MBOAT4: variants seen among roughly 807,000 people sequenced by gnomAD.
The protein encoded by MBOAT4 is membrane-bound ghrelin O-acyltransferase MBOAT4.
MBOAT4 carries 11 observed loss-of-function variants against 13.2 expected under a neutral mutation model. That is an observed-to-expected ratio of 0.84 (90% CI 0.53 to 1.38). The LOEUF is 1.38. MBOAT4 is among the 40% of genes most tolerant of loss of function. The pLI, the probability that MBOAT4 is intolerant of heterozygous loss-of-function variation, is 0.00. For missense variants in MBOAT4, 481 were observed against 527.2 expected (o/e 0.91, Z 0.86); for synonymous variants, 202 against 210.3 (o/e 0.96, Z 0.34).
chr8:30,144,616 A>G lies in MBOAT4; in HGVS notation c.-15T>C. 1 of 1,502,346 alleles carries G rather than the reference A, an allele frequency of 6.7e-7. No individual in the cohort carries two copies. The highest frequency in any genetic ancestry group is 1.2e-5 in the South Asian group (1 of 82,394). 93.1% of individuals were successfully genotyped at this position (1,502,346 alleles called of 1,614,324 possible). On this transcript the variant is annotated 5_prime_UTR_variant, in exon 1 of 3. Transcript: ENST00000320542. ...AGCCACTCCATTAGGAACCAGAACAAAAGAGCCTGTCTTTTCCAGTGTCCT... is the reference window on the plus strand; with the variant it reads ...AGCCACTCCATTAGGAACCAGAACAGAAGAGCCTGTCTTTTCCAGTGTCCT...
chr8:30,138,705 AC>A lies in MBOAT4; in HGVS notation c.170del (p.Gly57ValfsTer35), dbSNP rs1462376215. On this transcript the variant is annotated frameshift_variant, in exon 2 of 3. Transcript: ENST00000320542. LOFTEE classifies it high-confidence loss of function. ...GGGALAVAAM[G>X]SYAVLVFTPA... ...GGGTGAAGACGAGCACGGCGTAGGA[AC>A]CCATGGCAGCCACGGCCAGGGCACC... is the stretch of plus-strand genomic sequence containing the variant. 2.1e-5 allele frequency: 32 copies of A among 1,550,398 alleles called. No homozygotes were observed. In the African/African-American group the frequency reaches 3.8e-4, roughly 19 times the overall value.
Position 30,138,687 on chromosome 8 carries a change from G to A in MBOAT4, c.189C>T (p.Val63=). Residue 63 remains valine (V), a synonymous_variant, in exon 2 of 3, where the codon GTC becomes GTT. Coordinates refer to ENST00000320542, the MANE Select transcript of MBOAT4 (RefSeq NM_001100916.2). The part of the protein sequence containing the change: ...VAAMGSYAVL[V]FTPAVCAVAL... ...CCACAGCGCAGACAGCAGGGGTGAAGACGAGCACGGCGTAGGAACCCATGG... is the reference window on the plus strand; with the variant it reads ...CCACAGCGCAGACAGCAGGGGTGAAAACGAGCACGGCGTAGGAACCCATGG... The A allele has an allele frequency of 1.3e-6, 2 of 1,551,022 alleles. No homozygotes were observed. Among genetic ancestry groups the A allele is most frequent in the Middle Eastern group, 1.8e-4 (1 of 5,422 alleles).
At chr8:30,138,047 G>A (rs544670079) in intron 2 of MBOAT4, 1 of 172,698 alleles carries the variant, frequency 5.8e-6, no homozygotes, top group East Asian at 1.5e-4. Flanking sequence ...AATGCAAGAA[G>A]ACTGTTCTGA....
intron 1 of MBOAT4, among the ~76,000 whole-genome samples, chr8:30,139,792 TAC>T (rs1491470424): frequency 8.5e-4 from 24 of 28,174 alleles, no homozygotes; most frequent in Admixed American, 1.7e-3. Context: ...ATCCCATCTC[TAC>T]AAAAAAAAAA....
intron 2 of MBOAT4, among the ~76,000 whole-genome samples, chr8:30,135,447 A>G (rs1257897649): frequency 6.6e-6 from 1 of 152,140 alleles, no homozygotes; most frequent in African/African-American, 2.4e-5. Flanking sequence ...TTAAATACGA[A>G]CCAGGCCCTG....
Position 30,138,566 on chromosome 8 carries a change from T to A in MBOAT4, c.310A>T (p.Thr104Ser). The A allele has an allele frequency of 6.4e-7, 1 of 1,551,524 alleles. No homozygotes were observed. Among genetic ancestry groups the A allele is most frequent in the Non-Finnish European group, 8.7e-7 (1 of 1,146,966 alleles). ...QTLCHLGLHYTEYYLHEPPSV... is the reference protein window; with the variant it reads ...QTLCHLGLHYSEYYLHEPPSV... ...GGAGGCTCATGCAGATAATACTCAG[T>A]GTAGTGCAGACCTAGGTGACACAAG... is the stretch of plus-strand genomic sequence containing the variant. The change falls in exon 2 of 3, where the codon ACT becomes TCT. Residue 104 changes from threonine (T) to serine (S), a missense_variant. By Grantham distance (58) the Thr-to-Ser change is moderately conservative. Transcript: ENST00000320542.
chr8:30,137,487 C>G, intron 2 of MBOAT4: 1 of 1,551,432 alleles, frequency 6.4e-7, no homozygotes, highest in Non-Finnish European at 8.7e-7. Flanking sequence ...TTTGCCCTCC[C>G]TCTCAGGCAC....
At position 30,133,542 on chromosome 8, in the gene MBOAT4, G is replaced by GA. The variant is rs1803071824; in HGVS notation, c.345-637dup. ...CTTCCATCCTGAAATCTTCCATCCTGAATAGGAGAATTTGCCTGGGAAATT... is the reference window on the plus strand; with the variant it reads ...CTTCCATCCTGAAATCTTCCATCCTGAAATAGGAGAATTTGCCTGGGAAATT... On this transcript the variant is annotated intron_variant, in intron 2 of 2. Coordinates refer to ENST00000320542, the MANE Select transcript of MBOAT4 (RefSeq NM_001100916.2). Among the ~76,000 whole-genome samples the GA allele has an allele frequency of 6.6e-5, 10 of 152,266 alleles. No homozygotes were observed. In the South Asian group the frequency reaches 2.1e-3, roughly 32 times the overall value.
chr8:30,139,961 T>C (rs1027373499), intron 1 of MBOAT4, among the ~76,000 whole-genome samples: 2 of 152,132 alleles, frequency 1.3e-5, no homozygotes, highest in Non-Finnish European at 2.9e-5. Flanking sequence ...ATCTTGTCTC[T>C]AAAAAAACCC....
rs374232147 is a variant in MBOAT4, at chr8:30,137,279, G to A, written c.344+1253C>T. The A allele has an allele frequency of 3.8e-4, 596 of 1,551,174 alleles. 2 individuals are homozygous for A. Among genetic ancestry groups the A allele is most frequent in the Non-Finnish European group, 5.0e-4 (577 of 1,146,658 alleles). On this transcript the variant is annotated intron_variant, in intron 2 of 2. Coordinates refer to ENST00000320542, the MANE Select transcript of MBOAT4 (RefSeq NM_001100916.2). ...TTGATTTCTGTTTTCTAGATGGGGC[G>A]CCTACCCTTCTTCAGCAAGATGGGA...
chr8:30,141,587 GA>G (rs1273550290), intron 1 of MBOAT4, among the ~76,000 whole-genome samples: 1 of 152,172 alleles, frequency 6.6e-6, no homozygotes, highest in African/African-American at 2.4e-5. Flanking sequence ...GCAGTGAGCT[GA>G]GATCGCACTG....
chr8:30,140,579 C>G (rs12678118), intron 1 of MBOAT4, among the ~76,000 whole-genome samples: 134,370 of 152,208 alleles, frequency 0.88, 60,270 homozygotes, highest in Non-Finnish European at 0.96. Context: ...AATCATGCCA[C>G]TTATCTTGCT....
chr8:30,140,024 C>T (rs879282563), intron 1 of MBOAT4, among the ~76,000 whole-genome samples: 2 of 152,070 alleles, frequency 1.3e-5, no homozygotes, highest in African/African-American at 2.4e-5. Context: ...GCACAATCAC[C>T]GCAGATGAAG....
chr8:30,137,259 T>G lies in MBOAT4; in HGVS notation c.344+1273A>C, dbSNP rs1324040663. On this transcript the variant is annotated intron_variant, in intron 2 of 2. Coordinates refer to ENST00000320542, the MANE Select transcript of MBOAT4 (RefSeq NM_001100916.2). ...CTCTAGACTGTAATTAGCTCTTGAT[T>G]TCTGTTTTCTAGATGGGGCGCCTAC... 12 of 1,545,238 alleles carry G rather than the reference T, an allele frequency of 7.8e-6. No homozygotes were observed. In the African/African-American group the frequency reaches 1.6e-4, roughly 21 times the overall value.
At position 30,132,418 on chromosome 8, in the gene MBOAT4, C is replaced by T. The variant is rs1370235536; in HGVS notation, c.833G>A (p.Ser278Asn). Residue 278 changes from serine to asparagine, a missense_variant, in exon 3 of 3, where the codon AGC (serine) becomes AAC (asparagine). Physicochemically the swap from Ser to Asn is conservative, Grantham distance 46. Coordinates refer to ENST00000320542, the MANE Select transcript of MBOAT4 (RefSeq NM_001100916.2). ...GGGGACATATCCCTCCTCTCCAGGGCTCTGACCAAGCTCAGGCCCAAAGCC... is the reference window on the plus strand; with the variant it reads ...GGGGACATATCCCTCCTCTCCAGGGTTCTGACCAAGCTCAGGCCCAAAGCC... Reference protein sequence around the residue: ...AAGFGPELGQSPGEEGYVPDA... With the variant: ...AAGFGPELGQNPGEEGYVPDA... The T allele has an allele frequency of 1.3e-6, 2 of 1,551,734 alleles. No homozygotes were observed. Among genetic ancestry groups the T allele is most frequent in the Admixed American group, 3.9e-5 (2 of 50,990 alleles).
chr8:30,138,495 A>AT, intron 2 of MBOAT4, 37 bp downstream of exon 2: 1 of 1,498,182 alleles, frequency 6.7e-7, no homozygotes, highest in South Asian at 1.2e-5. Flanking sequence ...AGCAAACTGT[A>AT]GGTGGGCTGA....
intron 2 of MBOAT4, among the ~76,000 whole-genome samples, chr8:30,136,585 G>A (rs1435808821): frequency 1.3e-5 from 2 of 152,066 alleles, no homozygotes; most frequent in Admixed American, 1.3e-4. Flanking sequence ...TGCTCTCCCA[G>A]CCCCATCAGG....
In MBOAT4 at chr8:30,137,429, C is replaced by G. The variant is rs977676259; in HGVS notation, c.344+1103G>C. 1.6e-5 allele frequency: 25 copies of G among 1,551,622 alleles called. No homozygotes were observed. The East Asian group carries it at 5.6e-4, about 35-fold the overall frequency. ...CCCGTGCTGAGGCTGGCAGACAGTG[C>G]TGAGTCACTTCTGGGCAGGCCTGCT... On this transcript the variant is annotated intron_variant, in intron 2 of 2. Coordinates refer to ENST00000320542, the MANE Select transcript of MBOAT4 (RefSeq NM_001100916.2).
At position 30,132,548 on chromosome 8, in the gene MBOAT4, A is replaced by G; in HGVS notation, c.703T>C (p.Cys235Arg). 6.4e-7 allele frequency: 1 copy of G among 1,551,742 alleles called. No individual in the cohort carries two copies. The highest frequency in any genetic ancestry group is 8.7e-7 in the Non-Finnish European group (1 of 1,147,008). ...ACATAGATGCACTCGAATTGCTGGC[A>G]ATCAGTCAGTCCCGCTCCTGCATCC... ...VVDAGAGLTD[C>R]QQFECIYVVW... The change falls in exon 3 of 3, where the codon TGC (cysteine) becomes CGC (arginine). Residue 235 changes from cysteine to arginine, a missense_variant. Cys to Arg is a radical substitution (Grantham distance 180, BLOSUM62 -3). Coordinates refer to ENST00000320542, the MANE Select transcript of MBOAT4 (RefSeq NM_001100916.2).
Sources: allele counts gnomAD v4.1 joint callset (sites outside exome capture counted in the v4.1 genomes callset), GRCh38; gene constraint gnomAD v4.1.1; transcripts MANE v1.5; gene names NCBI Gene and HGNC (gene_info 2026-07-23, HGNC 2026-07-21).